PLPPR1: variants seen among roughly 807,000 people sequenced by gnomAD.
The protein encoded by PLPPR1 is phospholipid phosphatase-related protein type 1.
Under a neutral mutation model 33.1 loss-of-function variants are expected in PLPPR1, and 10 were observed. That is an observed-to-expected ratio of 0.30 (90% CI 0.19 to 0.51). The LOEUF (loss-of-function observed/expected upper bound fraction) is 0.51. Among genes scored for constraint, PLPPR1 ranks in the 20% least tolerant of loss-of-function variants. PLPPR1 has a pLI of 0.97. For missense variants in PLPPR1, 304 were observed against 408.1 expected (o/e 0.74, Z 2.20); for synonymous variants, 151 against 151.0 (o/e 1.00, Z 0.00).
At chr9:101,276,746 C>G (rs545413207) in intron 3 of PLPPR1, among the ~76,000 whole-genome samples, 4 of 152,178 alleles carry the variant, frequency 2.6e-5, no homozygotes. Flanking sequence ...ATATCAAGTG[C>G]CACCTAAAGA....
At chr9:101,207,865 C>A (rs1274169128) in intron 2 of PLPPR1, among the ~76,000 whole-genome samples, 1 of 152,094 alleles carries the variant, frequency 6.6e-6, no homozygotes, top group Admixed American at 6.6e-5. Flanking sequence ...TAAACAGGAC[C>A]ACAGAAGGAC....
intron 2 of PLPPR1, among the ~76,000 whole-genome samples, chr9:101,228,486 A>G (rs1827117481): frequency 6.6e-6 from 1 of 152,202 alleles, no homozygotes; most frequent in Admixed American, 6.5e-5. Flanking sequence ...CACACTTAAA[A>G]GCGCGGTGTA....
At chr9:101,070,368 T>G (rs1830466979) in intron 1 of PLPPR1, among the ~76,000 whole-genome samples, 1 of 152,118 alleles carries the variant, frequency 6.6e-6, no homozygotes, top group Admixed American at 6.6e-5. Flanking sequence ...CATTGGGAAC[T>G]CTTTCAGTTG....
chr9:101,083,700 T>C (rs573260624), intron 1 of PLPPR1, among the ~76,000 whole-genome samples: 2 of 151,768 alleles, frequency 1.3e-5, no homozygotes, highest in East Asian at 3.9e-4. Context: ...GTAGATTCCT[T>C]TATCTATTTT....
intron 2 of PLPPR1, among the ~76,000 whole-genome samples, chr9:101,238,320 G>GGT: frequency 1.7e-5 from 2 of 120,778 alleles, no homozygotes; most frequent in African/African-American, 6.5e-5. Context: ...ATGTATATAG[G>GGT]ATGTATATAT....
At chr9:101,236,531 TAAACTCACACACACAC>T (rs1827301962) in intron 2 of PLPPR1, among the ~76,000 whole-genome samples, 1 of 103,438 alleles carries the variant, frequency 9.7e-6, no homozygotes, top group Non-Finnish European at 1.8e-5. Context: ...CCTCTCTCTC[TAAACTCACACACACAC>T]ACACACACAC....
At chr9:101,170,243 C>A (rs1466826208) in intron 1 of PLPPR1, among the ~76,000 whole-genome samples, 2 of 152,136 alleles carry the variant, frequency 1.3e-5, no homozygotes, top group Non-Finnish European at 2.9e-5. Context: ...CTATATTAAT[C>A]TGTTCTCACA....
At chr9:101,270,745 A>G (rs1051245693) in intron 3 of PLPPR1, among the ~76,000 whole-genome samples, 2 of 152,236 alleles carry the variant, frequency 1.3e-5, no homozygotes, top group African/African-American at 2.4e-5. Flanking sequence ...TTTAACACTT[A>G]GACATTTTAA....
At chr9:101,275,250 A>T (rs966268768) in intron 3 of PLPPR1, among the ~76,000 whole-genome samples, 1 of 152,214 alleles carries the variant, frequency 6.6e-6, no homozygotes, top group Non-Finnish European at 1.5e-5. Context: ...ACCATGGAAG[A>T]ACCTAGCACC....
At chr9:101,132,237 C>T (rs1831322126) in intron 1 of PLPPR1, among the ~76,000 whole-genome samples, 1 of 152,156 alleles carries the variant, frequency 6.6e-6, no homozygotes. Context: ...CCTCCTTCCA[C>T]ACTAGAAGGA....
chr9:101,154,053 A>G (rs1471327941), intron 1 of PLPPR1, among the ~76,000 whole-genome samples: 12 of 152,146 alleles, frequency 7.9e-5, no homozygotes, highest in Admixed American at 7.9e-4. Flanking sequence ...CATCCCTGGG[A>G]TGAAGCCCAC....
At chr9:101,210,796 C>T (rs879308489) in intron 2 of PLPPR1, among the ~76,000 whole-genome samples, 14 of 152,126 alleles carry the variant, frequency 9.2e-5, no homozygotes, top group Non-Finnish European at 1.5e-4. Context: ...GAGACGGAGT[C>T]TCGCTCTGTC....
At chr9:101,180,410 A>C (rs947921102) in intron 1 of PLPPR1, among the ~76,000 whole-genome samples, 2 of 151,602 alleles carry the variant, frequency 1.3e-5, no homozygotes, top group African/African-American at 4.8e-5. Flanking sequence ...GTATGGAACC[A>C]CAAAAGATCT....
At chr9:101,227,574 C>A (rs933207777) in intron 2 of PLPPR1, among the ~76,000 whole-genome samples, 9 of 152,218 alleles carry the variant, frequency 5.9e-5, no homozygotes, top group African/African-American at 2.2e-4. Context: ...AAAGTTTCTC[C>A]CATTCTGTAT....
intron 1 of PLPPR1, chr9:101,125,753 AC>A: frequency 2.3e-6 from 2 of 858,978 alleles, no homozygotes; most frequent in Non-Finnish European, 3.4e-6. Context: ...ATAATTGATG[AC>A]CACTGATTTC....
chr9:101,190,452 G>A (rs1826277862), intron 2 of PLPPR1, among the ~76,000 whole-genome samples: 2 of 152,170 alleles, frequency 1.3e-5, no homozygotes, highest in Admixed American at 6.5e-5. Flanking sequence ...CTTGAAATGT[G>A]TGTGACAGAT....
intron 1 of PLPPR1, among the ~76,000 whole-genome samples, chr9:101,109,195 C>CT (rs1464275784): frequency 7.4e-6 from 1 of 134,432 alleles, no homozygotes; most frequent in African/African-American, 2.8e-5. Flanking sequence ...AGGATGGTCT[C>CT]TATCTCCTGA....
chr9:101,051,184 T>C (rs566849296), intron 1 of PLPPR1, among the ~76,000 whole-genome samples: 1 of 152,270 alleles, frequency 6.6e-6, no homozygotes, highest in South Asian at 2.1e-4. Context: ...GTTAAGGATG[T>C]AATTATTTTG....
At chr9:101,203,619 AG>A (rs575361445) in intron 2 of PLPPR1, among the ~76,000 whole-genome samples, 7 of 152,148 alleles carry the variant, frequency 4.6e-5, no homozygotes, top group Non-Finnish European at 8.8e-5. Flanking sequence ...AGAAATTGGG[AG>A]GAAAAAAATG....
Sources: allele counts gnomAD v4.1 joint callset (sites outside exome capture counted in the v4.1 genomes callset), GRCh38; gene constraint gnomAD v4.1.1; transcripts MANE v1.5; gene names NCBI Gene and HGNC (gene_info 2026-07-23, HGNC 2026-07-21).